ZNF274: variants seen among roughly 807,000 people sequenced by gnomAD.
The protein encoded by ZNF274 is neurotrophin receptor-interacting factor homolog.
ZNF274 carries 23 observed loss-of-function variants against 42.5 expected under a neutral mutation model. That is an observed-to-expected ratio of 0.54 (90% confidence interval 0.39 to 0.77). ZNF274 has a LOEUF of 0.77. Among genes scored for constraint, ZNF274 ranks in the 30% least tolerant of loss-of-function variants. ZNF274 has a pLI of 0.00. For missense variants in ZNF274, 679 were observed against 806.5 expected, an observed-to-expected ratio of 0.84 and a Z score of 1.91; for synonymous variants, 292 against 305.4, an observed-to-expected ratio of 0.96 and a Z score of 0.46.
chr19:58,198,414 CTTAAAA>C (rs546165179), intron 4 of ZNF274, among the ~76,000 whole-genome samples: 99 of 152,218 alleles, frequency 6.5e-4, no homozygotes, highest in African/African-American at 1.6e-3. Flanking sequence ...TAAACTATTT[CTTAAAA>C]TTTAAGTGTG....
At position 58,208,876 on chromosome 19, in the gene ZNF274, T is replaced by C. The variant is rs1037042174; in HGVS notation, c.740-1085T>C. 3 of 152,206 alleles carry C rather than the reference T, an allele frequency of 2.0e-5. No homozygotes were observed. The highest frequency in any genetic ancestry group is 7.2e-5 in the African/African-American group (3 of 41,436). 9.4% of individuals were successfully genotyped at this position (152,206 alleles called of 1,614,324 possible). ...GGTGAAAGTCAGTGAATTCACCCTG[T>C]GTTTAACCTCAGGGGTGAATAAAAT... On this transcript the variant is annotated intron_variant, in intron 5 of 7. Coordinates refer to ENST00000617501, the MANE Select transcript of ZNF274 (RefSeq NM_133502.3). The surrounding 1 kb of genome is among the most constrained non-coding windows in gnomAD (Gnocchi z 4.5).
chr19:58,188,918 T>C (rs1342613039), intron 4 of ZNF274, among the ~76,000 whole-genome samples: 1 of 151,424 alleles, frequency 6.6e-6, no homozygotes, highest in African/African-American at 2.4e-5. Context: ...TCAGCCTACG[T>C]AGAGTTGGCT....
intron 4 of ZNF274, among the ~76,000 whole-genome samples, chr19:58,196,068 A>G (rs2075838538): frequency 6.6e-6 from 1 of 152,210 alleles, no homozygotes; most frequent in South Asian, 2.1e-4. Context: ...ATGTAGGGAA[A>G]ATAGGTGGCA....
rs1301295845 is a variant in ZNF274 at position 58,212,652 on chromosome 19, A to T, written c.1471A>T (p.Ser491Cys). 6.2e-7 allele frequency: 1 copy of T among 1,614,068 alleles called. No homozygotes were observed. The highest frequency in any genetic ancestry group is 1.7e-5 in the Admixed American group (1 of 60,024). The change falls in exon 8 of 8, where the codon AGT becomes TGT. Residue 491 changes from serine (S) to cysteine (C), a missense_variant. Coordinates refer to ENST00000617501, the MANE Select transcript of ZNF274 (RefSeq NM_133502.3). This position sits in a 1 kb window ranked among gnomAD's most constrained non-coding sequence, Gnocchi z 4.6. ...TGGTTGTAGGAAAACCTTCAGTCGG[A>T]GTACTAAACAGATTACGTTTATAAG... ...GNGCRKTFSR[S>C]TKQITFIRIH... is the part of the protein sequence containing the mutation.
chr19:58,195,154 T>A (rs939702018), intron 4 of ZNF274, among the ~76,000 whole-genome samples: 2 of 149,658 alleles, frequency 1.3e-5, no homozygotes, highest in Admixed American at 6.7e-5. Context: ...GCCGAGATGG[T>A]GCCACTGCAC....
intron 4 of ZNF274, among the ~76,000 whole-genome samples, chr19:58,199,572 C>T (rs953005600): frequency 6.6e-6 from 1 of 151,958 alleles, no homozygotes; most frequent in Non-Finnish European, 1.5e-5. Flanking sequence ...AATACAAAAA[C>T]TTAGCCGGGC....
At chr19:58,193,646 C>T (rs1419165425) in intron 4 of ZNF274, among the ~76,000 whole-genome samples, 1 of 151,680 alleles carries the variant, frequency 6.6e-6, no homozygotes, top group Non-Finnish European at 1.5e-5. Context: ...GATAAAGGGA[C>T]CAGGTGTGAT....
At chr19:58,206,630 T>G in intron 4 of ZNF274, 90 bp from the exon 5 acceptor site, 1 of 1,432,884 alleles carries the variant, frequency 7.0e-7, no homozygotes, top group South Asian at 1.5e-5. Context: ...TCCACTGTGG[T>G]TTTGACTTGC....
intron 4 of ZNF274, among the ~76,000 whole-genome samples, chr19:58,194,139 G>A (rs1477746639): frequency 1.3e-5 from 2 of 151,782 alleles, no homozygotes; most frequent in Non-Finnish European, 2.9e-5. Context: ...GAGGCAGGAG[G>A]ATCACTTCAG....
At chr19:58,184,998 T>G (rs906061566) in intron 2 of ZNF274, among the ~76,000 whole-genome samples, 9 of 151,452 alleles carry the variant, frequency 5.9e-5, no homozygotes, top group African/African-American at 2.2e-4. Context: ...CGGGCGCCTG[T>G]AGTCCCAGCT....
In ZNF274 at chr19:58,208,543, G is replaced by T. The variant is rs2076004277; in HGVS notation, c.739+1341G>T. On this transcript the variant is annotated intron_variant, in intron 5 of 7. Coordinates refer to ENST00000617501, the MANE Select transcript of ZNF274 (RefSeq NM_133502.3). This position sits in a 1 kb window ranked among gnomAD's most constrained non-coding sequence, Gnocchi z 4.5. ...AGGGGCCCTTAGGAGAGGGAGGCTG[G>T]AGGGTCAGAGGAGATGTAATGATAG... 1 of 152,238 alleles carries T rather than the reference G, an allele frequency of 6.6e-6. No individual in the cohort carries two copies. The highest frequency in any genetic ancestry group is 1.5e-5 in the Non-Finnish European group (1 of 68,070). 9.4% of individuals were successfully genotyped at this position (152,238 alleles called of 1,614,324 possible). A position where few individuals can be genotyped will look rare whatever the true frequency, so the allele number is the denominator to read the frequency against.
chr19:58,207,003 C>G lies in ZNF274; in HGVS notation c.540C>G (p.Asp180Glu). The G allele has an allele frequency of 1.9e-6, 3 of 1,610,778 alleles. No individual in the cohort carries two copies. Among genetic ancestry groups the G allele is most frequent in the Non-Finnish European group, 8.5e-7 (1 of 1,178,530 alleles). Residue 180 changes from aspartate (D) to glutamate (E), a missense_variant, in exon 5 of 8, where the codon GAC becomes GAG. Physicochemically the swap from Asp to Glu is conservative, Grantham distance 45. Around this residue, in one of 2 missense-constraint regions of ZNF274, gnomAD observed 456 missense variants for 590.1 expected, o/e 0.77. Coordinates refer to ENST00000617501, the MANE Select transcript of ZNF274 (RefSeq NM_133502.3). This position sits in a 1 kb window ranked among gnomAD's most constrained non-coding sequence, Gnocchi z 5.6. ...KDMTGPREALDQLRELCHQWL... is the reference protein window; with the variant it reads ...KDMTGPREALEQLRELCHQWL... ...TGACAGGTCCCCGGGAGGCCCTGGA[C>G]CAGCTCCGAGAGCTGTGTCACCAGT...
At chr19:58,204,130 C>A (rs1344364998) in intron 4 of ZNF274, among the ~76,000 whole-genome samples, 1 of 152,188 alleles carries the variant, frequency 6.6e-6, no homozygotes, top group Non-Finnish European at 1.5e-5. Flanking sequence ...GTGGCCTCAG[C>A]GGAACGTCTA....
chr19:58,213,501 G>A lies in ZNF274; in HGVS notation c.*358G>A. 1 of 206,014 alleles carries A rather than the reference G, an allele frequency of 4.9e-6. No homozygotes were observed. Among genetic ancestry groups the A allele is most frequent in the Non-Finnish European group, 9.9e-6 (1 of 100,666 alleles). The allele number at this position is 206,014 out of a possible 1,614,324, so 12.8% of individuals were successfully genotyped here. A position where few individuals can be genotyped will look rare whatever the true frequency, so the allele number is the denominator to read the frequency against. ...ACATCCACAGTACCACAGTATTTAT[G>A]TGTATGAATTAAGGATTAAAAGATA... On this transcript the variant is annotated 3_prime_UTR_variant, in exon 8 of 8. Coordinates refer to ENST00000617501, the MANE Select transcript of ZNF274 (RefSeq NM_133502.3).
chr19:58,194,730 G>A (rs1008151162), intron 4 of ZNF274, among the ~76,000 whole-genome samples: 2 of 147,092 alleles, frequency 1.4e-5, no homozygotes, highest in Non-Finnish European at 3.0e-5. Context: ...TTCTTCGGCC[G>A]GGCGCGGTGG....
At chr19:58,201,514 CTTT>C (rs11418348) in intron 4 of ZNF274, among the ~76,000 whole-genome samples, 2 of 143,838 alleles carry the variant, frequency 1.4e-5, no homozygotes, top group Non-Finnish European at 3.0e-5. Context: ...GCATGAATTT[CTTT>C]TTTTTTTTTT....
At position 58,212,430 on chromosome 19, in the gene ZNF274, G is replaced by A; in HGVS notation, c.1249G>A (p.Val417Ile). 6.2e-7 allele frequency: 1 copy of A among 1,612,726 alleles called. No individual in the cohort carries two copies. Among genetic ancestry groups the A allele is most frequent in the Non-Finnish European group, 8.5e-7 (1 of 1,179,310 alleles). Reference sequence around the variant, plus strand: ...CAGTGGTGCTCTTGACACAAACCAAGTTTCGCTCCAGAAAATTGACAACCC... The same window carrying A: ...CAGTGGTGCTCTTGACACAAACCAAATTTCGCTCCAGAAAATTGACAACCC... ...ANSGALDTNQ[V>I]SLQKIDNPES... The change falls in exon 8 of 8, where the codon GTT becomes ATT. Residue 417 changes from valine (V) to isoleucine (I), a missense_variant. Val to Ile is a conservative substitution (Grantham distance 29, BLOSUM62 3). Transcript: ENST00000617501. The surrounding 1 kb of genome is among the most constrained non-coding windows in gnomAD (Gnocchi z 4.6).
intron 3 of ZNF274, 33 bp from the exon 4 acceptor site, chr19:58,186,914 C>G (rs1381259310): frequency 1.9e-6 from 3 of 1,587,632 alleles, no homozygotes; most frequent in Non-Finnish European, 2.6e-6. Context: ...GAACACAGAC[C>G]CCCACAAGCC....
intron 4 of ZNF274, among the ~76,000 whole-genome samples, chr19:58,194,317 G>A (rs539406232): frequency 1.3e-5 from 2 of 151,970 alleles, no homozygotes; most frequent in East Asian, 1.9e-4. Context: ...ACTTTGCTGA[G>A]GGGAGGAAAT....
Sources: gnomAD v4.1 joint callset for allele counts (sites outside exome capture counted in the v4.1 genomes callset) on GRCh38, gnomAD v4.1.1 for gene constraint, gnomAD v4.1.1 regional missense constraint, Gnocchi (gnomAD v3.1) non-coding constraint, MANE v1.5 for transcripts, NCBI Gene and HGNC (gene_info 2026-07-23, HGNC 2026-07-21) for gene names.